ABTB3: variants seen among roughly 807,000 people sequenced by gnomAD.
ABTB3 encodes ankyrin repeat- and BTB/POZ domain-containing protein 3.
At chr12:107,643,486 A>G in the ABTB3 span, among the ~76,000 whole-genome samples, 1 of 148,838 alleles carries the variant, frequency 6.7e-6, no homozygotes, top group South Asian at 2.1e-4. Flanking sequence ...GAGAGTAGTG[A>G]GGAGGCTGGA....
the ABTB3 span, among the ~76,000 whole-genome samples, chr12:107,495,785 G>T: frequency 6.6e-6 from 1 of 152,178 alleles, no homozygotes; most frequent in South Asian, 2.1e-4. Context: ...GTGCAGCTTT[G>T]CCCAGGTCAC....
chr12:107,395,930 G>T, the ABTB3 span, among the ~76,000 whole-genome samples: 1 of 152,238 alleles, frequency 6.6e-6, no homozygotes, highest in East Asian at 1.9e-4. Flanking sequence ...GAGCACAGGA[G>T]GCTGGATGGG....
chr12:107,540,020 G>A, the ABTB3 span, among the ~76,000 whole-genome samples: 2 of 152,202 alleles, frequency 1.3e-5, no homozygotes, highest in African/African-American at 4.8e-5. Context: ...GAGTGGAGAG[G>A]CAGGCTCAGG....
chr12:107,410,663 A>G, the ABTB3 span, among the ~76,000 whole-genome samples: 14 of 152,154 alleles, frequency 9.2e-5, no homozygotes, highest in Non-Finnish European at 1.3e-4. Flanking sequence ...GGAATTCAAT[A>G]AGACATAGTG....
the ABTB3 span, among the ~76,000 whole-genome samples, chr12:107,400,052 G>A: frequency 6.6e-6 from 1 of 152,196 alleles, no homozygotes; most frequent in East Asian, 1.9e-4. Flanking sequence ...ATTCTATGAT[G>A]TATATGTGCC....
the ABTB3 span, among the ~76,000 whole-genome samples, chr12:107,590,484 C>T: frequency 2.6e-5 from 4 of 152,094 alleles, no homozygotes; most frequent in African/African-American, 7.2e-5. Context: ...AAACTAAGAT[C>T]GAAAGAGGTC....
At chr12:107,509,529 C>A in the ABTB3 span, among the ~76,000 whole-genome samples, 1 of 152,184 alleles carries the variant, frequency 6.6e-6, no homozygotes. Flanking sequence ...GGGAGACAGA[C>A]CCCCTACCCA....
At chr12:107,462,092 G>T in the ABTB3 span, among the ~76,000 whole-genome samples, 4 of 152,280 alleles carry the variant, frequency 2.6e-5, no homozygotes, top group South Asian at 8.3e-4. Context: ...ATCAGCCTCA[G>T]TTTAGAAATT....
chr12:107,493,289 C>T, the ABTB3 span, among the ~76,000 whole-genome samples: 112 of 152,204 alleles, frequency 7.4e-4, no homozygotes, highest in African/African-American at 2.6e-3. Flanking sequence ...TGTCATGGGC[C>T]AGAGGAGAGC....
chr12:107,631,288 T>C, the ABTB3 span, among the ~76,000 whole-genome samples: 9 of 152,242 alleles, frequency 5.9e-5, no homozygotes, highest in East Asian at 1.7e-3. Context: ...ATTTCATTCA[T>C]TTTTATGGCT....
At chr12:107,530,999 A>G in the ABTB3 span, among the ~76,000 whole-genome samples, 7 of 152,226 alleles carry the variant, frequency 4.6e-5, no homozygotes, top group African/African-American at 1.7e-4. Context: ...ATCATTTGGA[A>G]TGAAGAGCGC....
chr12:107,468,757 A>C, the ABTB3 span, among the ~76,000 whole-genome samples: 10 of 152,142 alleles, frequency 6.6e-5, no homozygotes, highest in Admixed American at 4.6e-4. Context: ...AGACATAAAT[A>C]CTATAACTTC....
chr12:107,524,678 C>T, the ABTB3 span, among the ~76,000 whole-genome samples: 1 of 152,182 alleles, frequency 6.6e-6, no homozygotes, highest in South Asian at 2.1e-4. Flanking sequence ...TATCCAAGAT[C>T]AACCACACCT....
chr12:107,364,737 G>A, the ABTB3 span, among the ~76,000 whole-genome samples: 1 of 152,194 alleles, frequency 6.6e-6, no homozygotes, highest in African/African-American at 2.4e-5. Flanking sequence ...GAATATTGGT[G>A]AGCAGCAGTA....
chr12:107,644,469 T>A, the ABTB3 span, among the ~76,000 whole-genome samples: 1 of 152,174 alleles, frequency 6.6e-6, no homozygotes, highest in Non-Finnish European at 1.5e-5. Context: ...GAACCTGTGC[T>A]CTCAGTTACA....
chr12:107,654,626 G>A, the ABTB3 span, among the ~76,000 whole-genome samples: 1 of 151,972 alleles, frequency 6.6e-6, no homozygotes, highest in Non-Finnish European at 1.5e-5. Flanking sequence ...GTTATTTGGG[G>A]GTATATTCCC....
chr12:107,630,705 G>T, the ABTB3 span, among the ~76,000 whole-genome samples: 6 of 152,126 alleles, frequency 3.9e-5, no homozygotes, highest in African/African-American at 1.4e-4. Context: ...AAGCAGCTGG[G>T]ACTATAGGCA....
the ABTB3 span, chr12:107,581,095 G>C: frequency 5.8e-6 from 9 of 1,545,394 alleles, no homozygotes; most frequent in Non-Finnish European, 6.1e-6. Context: ...CAAGCCGGCA[G>C]CCCCTGCCTC....
the ABTB3 span, among the ~76,000 whole-genome samples, chr12:107,461,841 G>A: frequency 2.0e-5 from 3 of 152,100 alleles, no homozygotes; most frequent in African/African-American, 7.2e-5. Context: ...CCTGGCACTC[G>A]GCATAATCAA....
Sources: gnomAD v4.1 joint callset for allele counts (sites outside exome capture counted in the v4.1 genomes callset) on GRCh38, gnomAD v4.1.1 for gene constraint, MANE v1.5 for transcripts, NCBI Gene and HGNC (gene_info 2026-07-23, HGNC 2026-07-21) for gene names.